SCAPER: variants seen among roughly 807,000 people sequenced by gnomAD.
The protein encoded by SCAPER is S phase cyclin A-associated protein in the endoplasmic reticulum.
Under a neutral mutation model 182.2 loss-of-function variants are expected in SCAPER, and 98 were observed. The ratio of observed to expected loss-of-function variants is 0.54; its 90% CI spans 0.46 to 0.64. SCAPER has a LOEUF of 0.64. Among genes scored for constraint, SCAPER ranks in the 30% least tolerant of loss-of-function variants. The pLI, the probability that SCAPER is intolerant of heterozygous loss-of-function variation, is 0.00. For synonymous variants in SCAPER, 605 were observed against 564.6 expected (o/e 1.07, Z -1.01); for missense variants, 1,432 against 1,690.0 (o/e 0.85, Z 2.68).
intron 22 of SCAPER, among the ~76,000 whole-genome samples, chr15:76,605,013 T>A (rs1379438293): frequency 6.6e-6 from 1 of 152,202 alleles, no homozygotes; most frequent in Non-Finnish European, 1.5e-5. Context: ...TTGAATACCA[T>A]TTCCTTCTCC....
At chr15:76,895,476 T>G (rs1353366837) in intron 1 of SCAPER, among the ~76,000 whole-genome samples, 2 of 147,840 alleles carry the variant, frequency 1.4e-5, no homozygotes, top group Non-Finnish European at 3.0e-5. Flanking sequence ...AAGAATGCCA[T>G]CTCATCCAGT....
intron 8 of SCAPER, 104 bp downstream of exon 8, chr15:76,795,176 C>T (rs1035063176): frequency 7.0e-5 from 73 of 1,037,836 alleles, no homozygotes; most frequent in African/African-American, 1.1e-4. Flanking sequence ...ATTAATATTA[C>T]GTATGTTGTA....
chr15:76,664,838 T>C (rs1295059437), intron 21 of SCAPER, among the ~76,000 whole-genome samples: 28 of 152,212 alleles, frequency 1.8e-4, no homozygotes. Flanking sequence ...TATCATTGAT[T>C]ATGTAAATTG....
intron 8 of SCAPER, among the ~76,000 whole-genome samples, chr15:76,790,130 C>T (rs2064898159): frequency 6.6e-6 from 1 of 151,548 alleles, no homozygotes; most frequent in South Asian, 2.1e-4. Context: ...ACTGAGGAGG[C>T]TGAGGCAGGA....
In SCAPER at chr15:76,796,678, C is replaced by T. The variant is rs115321093; in HGVS notation, c.612-1238G>A. On this transcript the variant is annotated intron_variant, in intron 7 of 31. Coordinates refer to ENST00000563290, the MANE Select transcript of SCAPER (RefSeq NM_020843.4). Reference sequence around the variant, plus strand: ...AGAACTTTTACCACACACGAATTAACGGCTTTGAGTGTTACAATAAACCAT... The same window carrying T: ...AGAACTTTTACCACACACGAATTAATGGCTTTGAGTGTTACAATAAACCAT... Among the ~76,000 whole-genome samples, 260 of 152,308 alleles carry T rather than the reference C, an allele frequency of 1.7e-3. 1 individual carries two copies. The highest frequency in any genetic ancestry group is 5.9e-3 in the African/African-American group (246 of 41,554).
At chr15:76,419,800 A>G (rs1009314599) in intron 26 of SCAPER, among the ~76,000 whole-genome samples, 4 of 152,206 alleles carry the variant, frequency 2.6e-5, no homozygotes, top group Non-Finnish European at 4.4e-5. Flanking sequence ...TGAGGCCAGC[A>G]TTTCTCTGAT....
chr15:76,641,191 A>G (rs1041732326), intron 21 of SCAPER, among the ~76,000 whole-genome samples: 1 of 152,112 alleles, frequency 6.6e-6, no homozygotes, highest in Non-Finnish European at 1.5e-5. Context: ...GCTGATTAAT[A>G]TTTTGCTAAT....
At chr15:76,565,245 A>C (rs2046957866) in intron 23 of SCAPER, among the ~76,000 whole-genome samples, 1 of 152,168 alleles carries the variant, frequency 6.6e-6, no homozygotes, top group African/African-American at 2.4e-5. Context: ...ATGGGAGAAA[A>C]CTTTTGCAAA....
At chr15:76,661,850 T>C (rs192863333) in intron 21 of SCAPER, among the ~76,000 whole-genome samples, 2 of 152,310 alleles carry the variant, frequency 1.3e-5, no homozygotes, top group East Asian at 3.9e-4. Flanking sequence ...CAAAGTAATA[T>C]AAATCATTGT....
intron 1 of SCAPER, among the ~76,000 whole-genome samples, chr15:76,898,991 ATCAT>A (rs2074590899): frequency 1.3e-5 from 2 of 152,234 alleles, no homozygotes; most frequent in South Asian, 4.1e-4. Flanking sequence ...CAAAATTGCA[ATCAT>A]TCAGTTACTA....
In SCAPER at chr15:76,541,348, C is replaced by T. The variant is rs112503015; in HGVS notation, c.2838+32810G>A. Among the ~76,000 whole-genome samples the T allele has an allele frequency of 1.9e-3, 296 of 152,246 alleles. 3 individuals carry two copies. The highest frequency in any genetic ancestry group is 6.5e-3 in the African/African-American group (268 of 41,548). The stretch of plus-strand genomic sequence containing the variant: ...TTTCTGAGGACAATTCAGCATCTAT[C>T]CTAGGCCATTAGCTGAGGAAAATCA... On this transcript the variant is annotated intron_variant, in intron 23 of 31. Transcript: ENST00000563290.
intron 17 of SCAPER, among the ~76,000 whole-genome samples, chr15:76,711,307 G>C (rs901065359): frequency 9.2e-5 from 14 of 152,040 alleles, no homozygotes; most frequent in Non-Finnish European, 2.1e-4. Flanking sequence ...TGTATATCCA[G>C]AACATATAAA....
intron 26 of SCAPER, among the ~76,000 whole-genome samples, chr15:76,421,181 T>C (rs1156824567): frequency 1.3e-5 from 2 of 152,186 alleles, no homozygotes; most frequent in African/African-American, 4.8e-5. Context: ...TTCTAGATCC[T>C]TGAGGAATTG....
At chr15:76,819,676 G>T (rs8040660) in intron 5 of SCAPER, among the ~76,000 whole-genome samples, 2 of 152,130 alleles carry the variant, frequency 1.3e-5, no homozygotes. Context: ...AAATCAGAGC[G>T]CCTCTCCTCC....
intron 25 of SCAPER, among the ~76,000 whole-genome samples, chr15:76,464,987 T>C (rs1415494591): frequency 6.6e-6 from 1 of 152,122 alleles, no homozygotes; most frequent in Non-Finnish European, 1.5e-5. Context: ...TGATTAGTGA[T>C]TTTGGTCATC....
chr15:76,354,241 G>T lies in SCAPER; in HGVS notation c.3856-101C>A. On this transcript the variant is annotated intron_variant, in intron 29 of 31. Coordinates refer to ENST00000563290, the MANE Select transcript of SCAPER (RefSeq NM_020843.4). This position sits in a 1 kb window ranked among gnomAD's most constrained non-coding sequence, Gnocchi z 4.4. The stretch of plus-strand genomic sequence containing the variant: ...TAGTACCATGGAAAACATGCTGAAG[G>T]AGTGTAAAGAAAAAGACTCCTGACT... The T allele has an allele frequency of 9.1e-7, 1 of 1,097,614 alleles. No individual in the cohort carries two copies. The highest frequency in any genetic ancestry group is 1.3e-6 in the Non-Finnish European group (1 of 789,770). 68.0% of individuals were successfully genotyped at this position (1,097,614 alleles called of 1,614,324 possible). A position where few individuals can be genotyped will look rare whatever the true frequency, so the allele number is the denominator to read the frequency against.
chr15:76,735,072 G>A (rs542819308), intron 15 of SCAPER, among the ~76,000 whole-genome samples: 2 of 152,190 alleles, frequency 1.3e-5, no homozygotes, highest in South Asian at 2.1e-4. Context: ...TTGGCAGGGT[G>A]CAGTGGCTCA....
At chr15:76,679,308 G>C (rs1035336974) in intron 20 of SCAPER, among the ~76,000 whole-genome samples, 1 of 152,024 alleles carries the variant, frequency 6.6e-6, no homozygotes, top group Non-Finnish European at 1.5e-5. Flanking sequence ...CTCAAGAAAT[G>C]CTTTTAAAAA....
chr15:76,493,973 G>A (rs2040251679), intron 24 of SCAPER, among the ~76,000 whole-genome samples: 4 of 152,032 alleles, frequency 2.6e-5, no homozygotes. Flanking sequence ...TTCACTTTTA[G>A]TAAACTTTTA....
Sources: gnomAD v4.1 joint callset for allele counts (sites outside exome capture counted in the v4.1 genomes callset) on GRCh38, gnomAD v4.1.1 for gene constraint, Gnocchi (gnomAD v3.1) non-coding constraint, MANE v1.5 for transcripts, NCBI Gene and HGNC (gene_info 2026-07-23, HGNC 2026-07-21) for gene names.